KCNIP4: variants seen among roughly 807,000 people sequenced by gnomAD.
The protein encoded by KCNIP4 is Kv channel-interacting protein 4.
Under a neutral mutation model 34.0 loss-of-function variants are expected in KCNIP4, and 12 were observed. That is an observed-to-expected ratio of 0.35 (90% CI 0.23 to 0.57). The LOEUF (loss-of-function observed/expected upper bound fraction) is 0.57, where lower values mean the gene tolerates loss of function less well. KCNIP4 is among the 20% of genes least tolerant of loss of function. The probability of loss-of-function intolerance (pLI) is 0.83; values close to 1 mark genes in which losing one functional copy is unlikely to be tolerated. For synonymous variants in KCNIP4, 124 were observed against 102.2 expected (o/e 1.21, Z -1.29); for missense variants, 238 against 311.7 (o/e 0.76, Z 1.78).
At chr4:20,909,601 G>C (rs1405765448) in intron 1 of KCNIP4, among the ~76,000 whole-genome samples, 1 of 152,166 alleles carries the variant, frequency 6.6e-6, no homozygotes, top group Non-Finnish European at 1.5e-5. Flanking sequence ...CATTTCTGCT[G>C]TTTGGGACAC....
intron 1 of KCNIP4, among the ~76,000 whole-genome samples, chr4:21,942,990 C>A (rs1578168458): frequency 6.6e-6 from 1 of 152,162 alleles, no homozygotes; most frequent in East Asian, 1.9e-4. Context: ...AACTCCTGAC[C>A]TCAGGCGATC....
intron 1 of KCNIP4, among the ~76,000 whole-genome samples, chr4:21,304,364 C>G (rs940954642): frequency 1.1e-4 from 16 of 152,288 alleles, no homozygotes; most frequent in African/African-American, 3.1e-4. Context: ...AGGAACGTCC[C>G]GAGGAAACAT....
intron 2 of KCNIP4, among the ~76,000 whole-genome samples, chr4:20,870,437 G>GT: frequency 6.6e-6 from 1 of 152,240 alleles, no homozygotes; most frequent in Middle Eastern, 3.4e-3. Context: ...CTGTGCAACT[G>GT]TGAGTTAATC....
chr4:21,719,409 T>C (rs2109092163), intron 1 of KCNIP4, among the ~76,000 whole-genome samples: 1 of 152,282 alleles, frequency 6.6e-6, no homozygotes, highest in East Asian at 1.9e-4. Flanking sequence ...TTATATGTTC[T>C]CCTGGTAAGA....
At chr4:21,021,905 GTATA>G (rs1740100594) in intron 1 of KCNIP4, among the ~76,000 whole-genome samples, 1 of 149,344 alleles carries the variant, frequency 6.7e-6, no homozygotes, top group Non-Finnish European at 1.5e-5. Flanking sequence ...GTATAGTATA[GTATA>G]GTACATAAAC....
intron 1 of KCNIP4, among the ~76,000 whole-genome samples, chr4:21,560,318 T>C (rs1449725997): frequency 6.6e-6 from 1 of 152,058 alleles, no homozygotes; most frequent in Non-Finnish European, 1.5e-5. Context: ...ATAACTCTGA[T>C]TAAAGGCCTT....
chr4:21,133,794 T>C (rs1751285011), intron 1 of KCNIP4, among the ~76,000 whole-genome samples: 2 of 152,146 alleles, frequency 1.3e-5, no homozygotes, highest in Non-Finnish European at 2.9e-5. Context: ...TAAGTTGTAT[T>C]TTGTTTTCTA....
Position 21,747,724 on chromosome 4 carries a change from A to C in KCNIP4, c.61+200847T>G, listed in dbSNP as rs146837866. ...TCCTACTAGACTAGAAAGGAGAAAC[A>C]TAATTGTAAAGAGTTGCATAGTGTC... On this transcript the variant is annotated intron_variant, in intron 1 of 8. Transcript: ENST00000382152. Among the ~76,000 whole-genome samples, 1,329 of 152,242 alleles carry C rather than the reference A, an allele frequency of 8.7e-3. 19 individuals are homozygous for C. Among genetic ancestry groups the C allele is most frequent in the South Asian group, 0.039 (187 of 4,816 alleles).
intron 1 of KCNIP4, among the ~76,000 whole-genome samples, chr4:21,082,808 T>A (rs1333016153): frequency 6.6e-6 from 1 of 151,846 alleles, no homozygotes; most frequent in East Asian, 1.9e-4. Context: ...CTTAATACTT[T>A]TGAGGAAAAT....
At chr4:20,804,299 CA>C (rs1233990532) in intron 3 of KCNIP4, among the ~76,000 whole-genome samples, 1 of 152,148 alleles carries the variant, frequency 6.6e-6, no homozygotes, top group Non-Finnish European at 1.5e-5. Context: ...TTCTTGTTAG[CA>C]CTCTCTTCTC....
intron 1 of KCNIP4, among the ~76,000 whole-genome samples, chr4:21,457,432 G>C (rs1192160042): frequency 6.6e-6 from 1 of 151,826 alleles, no homozygotes; most frequent in African/African-American, 2.4e-5. Context: ...TTCTCAGTGG[G>C]CAATATTTTC....
At chr4:21,269,801 A>T (rs1361319453) in intron 1 of KCNIP4, among the ~76,000 whole-genome samples, 1 of 152,138 alleles carries the variant, frequency 6.6e-6, no homozygotes, top group African/African-American at 2.4e-5. Context: ...GGGGGAAGAA[A>T]AGGATGGCAG....
intron 1 of KCNIP4, among the ~76,000 whole-genome samples, chr4:21,535,082 C>T (rs1737037759): frequency 6.6e-6 from 1 of 152,016 alleles, no homozygotes; most frequent in Non-Finnish European, 1.5e-5. Flanking sequence ...AACTTATTAA[C>T]TACTTACTAC....
At chr4:20,879,222 T>C (rs1316539418) in intron 2 of KCNIP4, among the ~76,000 whole-genome samples, 1 of 152,184 alleles carries the variant, frequency 6.6e-6, no homozygotes, top group Non-Finnish European at 1.5e-5. Context: ...CCTGTCTCAT[T>C]TCTTACTCTG....
intron 1 of KCNIP4, among the ~76,000 whole-genome samples, chr4:21,794,877 A>C (rs1720524055): frequency 6.6e-6 from 1 of 152,136 alleles, no homozygotes; most frequent in African/African-American, 2.4e-5. Context: ...AGACTGTCTC[A>C]AGAAACAAAA....
intron 1 of KCNIP4, among the ~76,000 whole-genome samples, chr4:20,914,748 T>C (rs1025103273): frequency 6.6e-6 from 1 of 152,212 alleles, no homozygotes; most frequent in Non-Finnish European, 1.5e-5. Context: ...CTGGTAATGA[T>C]ATCTTTGGCC....
At chr4:20,731,415 A>C (rs1193093008) in intron 8 of KCNIP4, 2 of 985,224 alleles carry the variant, frequency 2.0e-6, no homozygotes, top group Non-Finnish European at 1.2e-6. Context: ...CATCAAGTCA[A>C]ATAATTCTAA....
At chr4:20,982,783 A>T (rs1327534134) in intron 1 of KCNIP4, among the ~76,000 whole-genome samples, 1 of 152,222 alleles carries the variant, frequency 6.6e-6, no homozygotes, top group Non-Finnish European at 1.5e-5. Context: ...TAGCTCCTAT[A>T]GTTAGAAAGA....
At chr4:21,363,574 T>C (rs1560330214) in intron 1 of KCNIP4, among the ~76,000 whole-genome samples, 1 of 152,146 alleles carries the variant, frequency 6.6e-6, no homozygotes, top group South Asian at 2.1e-4. Context: ...CTTTGGGAAG[T>C]AGGCAAATTG....
Sources: allele counts gnomAD v4.1 joint callset (sites outside exome capture counted in the v4.1 genomes callset), GRCh38; gene constraint gnomAD v4.1.1; transcripts MANE v1.5; gene names NCBI Gene and HGNC (gene_info 2026-07-23, HGNC 2026-07-21).